The following SLC8A3 variants were observed in gnomAD, a reference collection of about 807,000 sequenced individuals.
SLC8A3 encodes solute carrier family 8 member A3.
A neutral mutation model predicts 65.4 loss-of-function variants in SLC8A3; 37 were observed. That is an observed-to-expected ratio of 0.57 (90% confidence interval 0.44 to 0.74). The LOEUF (loss-of-function observed/expected upper bound fraction) is 0.74, where lower values mean the gene tolerates loss of function less well. Among genes scored for constraint, SLC8A3 ranks in the 30% least tolerant of loss-of-function variants. SLC8A3 has a pLI of 0.00. For missense variants in SLC8A3, 1,112 were observed against 1,172.1 expected (o/e 0.95, Z 0.75); for synonymous variants, 461 against 444.5 (o/e 1.04, Z -0.47).
chr14:70,047,313 T>C (rs182366998), intron 6 of SLC8A3: 1 of 152,274 alleles, frequency 6.6e-6, no homozygotes, highest in Admixed American at 6.5e-5. Context: ...CTTGTTTTTT[T>C]GTTTGTTTGT....
At chr14:70,110,150 A>G (rs1359422557) in intron 2 of SLC8A3, among the ~76,000 whole-genome samples, 1 of 152,196 alleles carries the variant, frequency 6.6e-6, no homozygotes, top group Non-Finnish European at 1.5e-5. Context: ...ATCATGAATA[A>G]TGGCATATTC....
intron 2 of SLC8A3, among the ~76,000 whole-genome samples, chr14:70,101,847 G>A (rs1437966827): frequency 6.6e-6 from 1 of 152,208 alleles, no homozygotes; most frequent in African/African-American, 2.4e-5. Context: ...CTATTGTGGA[G>A]CAGGAAGATG....
rs1886757837 is a variant in SLC8A3 at position 70,046,150 on chromosome 14, G to C, written c.2563C>G (p.Leu855Val). ...GTGAAGAGGGTGACGGAGAAGGCCA[G>C]TGTGCCGGCCGACACGTGGAACTCC... ...GQEFHVSAGT[L>V]AFSVTLFTIF... The change falls in exon 7 of 7, where the codon CTG (leucine) becomes GTG (valine). Residue 855 changes from leucine (L) to valine (V), a missense_variant. Coordinates refer to ENST00000356921, the MANE Select transcript of SLC8A3 (RefSeq NM_182932.3). The surrounding 1 kb of genome is among the most constrained non-coding windows in gnomAD (Gnocchi z 4.2). 2 of 1,614,092 alleles carry C rather than the reference G, an allele frequency of 1.2e-6. No homozygotes were observed. Among genetic ancestry groups the C allele is most frequent in the Admixed American group, 1.7e-5 (1 of 60,016 alleles).
intron 2 of SLC8A3, among the ~76,000 whole-genome samples, chr14:70,107,625 G>C (rs1892966048): frequency 6.6e-6 from 1 of 152,064 alleles, no homozygotes; most frequent in African/African-American, 2.4e-5. Flanking sequence ...GCAGCTCAAA[G>C]GGCCACACAG....
chr14:70,087,082 A>G (rs1327909678), intron 2 of SLC8A3, among the ~76,000 whole-genome samples: 1 of 152,254 alleles, frequency 6.6e-6, no homozygotes, highest in African/African-American at 2.4e-5. Context: ...TTTTCCAAGA[A>G]AAGAAATATT....
intron 3 of SLC8A3, among the ~76,000 whole-genome samples, chr14:70,054,893 A>C (rs1272225455): frequency 6.6e-6 from 1 of 152,160 alleles, no homozygotes; most frequent in Non-Finnish European, 1.5e-5. Context: ...AAGTGGCCTT[A>C]ACATTTTTTT....
chr14:70,155,255 C>A (rs1896509522), intron 2 of SLC8A3, among the ~76,000 whole-genome samples: 1 of 151,968 alleles, frequency 6.6e-6, no homozygotes, highest in South Asian at 2.1e-4. Context: ...TATTCAGAAT[C>A]CTGTCTATTT....
Position 70,074,761 on chromosome 14 carries a change from C to T in SLC8A3, c.1785-13822G>A, listed in dbSNP as rs75830183. On this transcript the variant is annotated intron_variant, in intron 2 of 6. Coordinates refer to ENST00000356921, the MANE Select transcript of SLC8A3 (RefSeq NM_182932.3). ...AATCAAGATCAATAATATTTTAATG[C>T]AATGATTTTTAAAAGTTGCAATTAA... Among the ~76,000 whole-genome samples, 1,311 of 152,250 alleles carry T rather than the reference C, an allele frequency of 8.6e-3. 16 individuals carry two copies. The highest frequency in any genetic ancestry group is 0.031 in the African/African-American group (1,280 of 41,518).
chr14:70,088,554 G>A (rs574710329), intron 2 of SLC8A3, among the ~76,000 whole-genome samples: 2 of 152,212 alleles, frequency 1.3e-5, no homozygotes, highest in East Asian at 1.9e-4. Flanking sequence ...AGCATCCTGC[G>A]TGGCTTTAGT....
chr14:70,053,219 C>G (rs1278651153), intron 3 of SLC8A3, among the ~76,000 whole-genome samples: 1 of 152,128 alleles, frequency 6.6e-6, no homozygotes, highest in Non-Finnish European at 1.5e-5. Flanking sequence ...TGCTGGTGGC[C>G]ACTTTTGGAA....
At chr14:70,109,549 T>C (rs898815422) in intron 2 of SLC8A3, among the ~76,000 whole-genome samples, 1 of 151,792 alleles carries the variant, frequency 6.6e-6, no homozygotes, top group Non-Finnish European at 1.5e-5. Context: ...CCACCTCCTA[T>C]GTTCAAGCAA....
At chr14:70,049,221 G>C (rs1887174826) in intron 5 of SLC8A3, among the ~76,000 whole-genome samples, 179 bp from the exon 6 acceptor site, 1 of 152,222 alleles carries the variant, frequency 6.6e-6, no homozygotes, top group African/African-American at 2.4e-5. Context: ...AACAATTTGG[G>C]CTGCCTCATA....
At chr14:70,109,646 G>T (rs903505842) in intron 2 of SLC8A3, among the ~76,000 whole-genome samples, 1 of 151,834 alleles carries the variant, frequency 6.6e-6, no homozygotes, top group Non-Finnish European at 1.5e-5. Flanking sequence ...TAGGGATGGG[G>T]TTTCACCATA....
chr14:70,051,109 T>C lies in SLC8A3; in HGVS notation c.2014-2A>G. 6.2e-7 allele frequency: 1 copy of C among 1,608,136 alleles called. No individual in the cohort carries two copies. Among genetic ancestry groups the C allele is most frequent in the Non-Finnish European group, 8.5e-7 (1 of 1,174,704 alleles). On this transcript the variant is annotated splice_acceptor_variant, in intron 4 of 6. Transcript: ENST00000356921. LOFTEE classifies it high-confidence loss of function. ...CTTGATCAGTTTGTCCACCGTAGTC[T>C]GTTAAGAAGAGAAAAACTTGGAACC...
At position 70,166,664 on chromosome 14, in the gene SLC8A3, A is replaced by T. The variant is rs374042054; in HGVS notation, c.1759T>A (p.Leu587Met). ...GEDFEDTYGELEFKNDETVKT... is the reference protein window; with the variant it reads ...GEDFEDTYGEMEFKNDETVKT... ...ACAGTTTCATCATTCTTGAATTCCAACTCCCCATATGTGTCTTCAAAGTCC... is the reference window on the plus strand; with the variant it reads ...ACAGTTTCATCATTCTTGAATTCCATCTCCCCATATGTGTCTTCAAAGTCC... The change falls in exon 2 of 7, where the codon TTG (leucine) becomes ATG (methionine). Residue 587 changes from leucine to methionine, a missense_variant. Transcript: ENST00000356921. 1.3e-6 allele frequency: 2 copies of T among 1,597,440 alleles called. No individual in the cohort carries two copies. The highest frequency in any genetic ancestry group is 1.7e-6 in the Non-Finnish European group (2 of 1,171,560).
At chr14:70,146,046 G>A (rs1342134396) in intron 2 of SLC8A3, among the ~76,000 whole-genome samples, 1 of 152,194 alleles carries the variant, frequency 6.6e-6, no homozygotes, top group Non-Finnish European at 1.5e-5. Context: ...GATGTCCCCA[G>A]GAGCACTCTG....
Position 70,049,043 on chromosome 14 carries a change from C to A in SLC8A3, c.2114-1G>T. Reference sequence around the variant, plus strand: ...GATTCATCCTCATCCTCATCCCCTGCTGAAGGCAAGATAAACAGGCAAGAG... The same window carrying A: ...GATTCATCCTCATCCTCATCCCCTGATGAAGGCAAGATAAACAGGCAAGAG... On this transcript the variant is annotated splice_acceptor_variant, in intron 5 of 6. Transcript: ENST00000356921. LOFTEE classifies it high-confidence loss of function. 1.2e-6 allele frequency: 2 copies of A among 1,600,726 alleles called. No homozygotes were observed. Among genetic ancestry groups the A allele is most frequent in the South Asian group, 1.1e-5 (1 of 89,294 alleles).
At chr14:70,048,575 A>G (rs1486139495) in intron 6 of SLC8A3, 192 bp downstream of exon 6, 1 of 683,664 alleles carries the variant, frequency 1.5e-6, no homozygotes, top group Admixed American at 2.0e-5. Context: ...TCACATTGAA[A>G]GTGCTCAAGA....
At chr14:70,166,168 C>T (rs571131702) in intron 2 of SLC8A3, among the ~76,000 whole-genome samples, 19 of 152,304 alleles carry the variant, frequency 1.2e-4, no homozygotes, top group African/African-American at 4.3e-4. Context: ...AAAGCCAATG[C>T]CACTTGTTTT....
Sources: allele counts gnomAD v4.1 joint callset (sites outside exome capture counted in the v4.1 genomes callset), GRCh38; gene constraint gnomAD v4.1.1; non-coding constraint Gnocchi (gnomAD v3.1); transcripts MANE v1.5; gene names NCBI Gene and HGNC (gene_info 2026-07-23, HGNC 2026-07-21).